FKBP5: variants seen among roughly 807,000 people sequenced by gnomAD.
FKBP5 encodes the protein peptidyl-prolyl cis-trans isomerase FKBP5.
In FKBP5, 23 loss-of-function variants were observed where a neutral mutation model predicts 50.5. That is an observed-to-expected ratio of 0.46 (90% CI 0.33 to 0.65). The LOEUF is 0.65. FKBP5 is among the 30% of genes least tolerant of loss of function. The pLI, the probability that FKBP5 is intolerant of heterozygous loss-of-function variation, is 0.02. For missense variants in FKBP5, 411 were observed against 553.1 expected (o/e 0.74, Z 2.58); for synonymous variants, 176 against 190.6 (o/e 0.92, Z 0.63).
At chr6:35,721,524 C>T (rs1303291695) in intron 1 of FKBP5, among the ~76,000 whole-genome samples, 6 of 151,820 alleles carry the variant, frequency 4.0e-5, no homozygotes, top group South Asian at 4.2e-4. Context: ...GGCATGCTTT[C>T]GGCTCACCAC....
At chr6:35,678,229 G>A (rs183311642) in intron 1 of FKBP5, among the ~76,000 whole-genome samples, 1 of 152,238 alleles carries the variant, frequency 6.6e-6, no homozygotes, top group East Asian at 1.9e-4. Context: ...GAAGAGAAGT[G>A]TTTTGGCTGG....
Position 35,585,973 on chromosome 6 carries a change from T to C in FKBP5, c.840+1061A>G, listed in dbSNP as rs1762586566. 4.1e-6 allele frequency: 4 copies of C among 984,782 alleles called. No individual in the cohort carries two copies. The South Asian group carries it at 1.4e-4, about 35-fold the overall frequency. 61.0% of individuals were successfully genotyped at this position (984,782 alleles called of 1,614,324 possible). A position where few individuals can be genotyped will look rare whatever the true frequency, so the allele number is the denominator to read the frequency against. On this transcript the variant is annotated intron_variant, in intron 8 of 10. Transcript: ENST00000357266. ...ACAAGGTTGTAACTTAATAATAGCATGTCTTATAGCAGATGCCCCATAAAG... is the reference window on the plus strand; with the variant it reads ...ACAAGGTTGTAACTTAATAATAGCACGTCTTATAGCAGATGCCCCATAAAG...
chr6:35,709,574 G>A (rs2151021323), intron 2 of FKBP5, among the ~76,000 whole-genome samples: 1 of 152,238 alleles, frequency 6.6e-6, no homozygotes, highest in East Asian at 1.9e-4. Flanking sequence ...AAAATGATTT[G>A]TATTTCTAAA....
intron 2 of FKBP5, among the ~76,000 whole-genome samples, chr6:35,694,020 A>AC (rs1238987062): frequency 6.6e-6 from 1 of 150,962 alleles, no homozygotes; most frequent in Non-Finnish European, 1.5e-5. Flanking sequence ...TAAAAAAAAA[A>AC]TAGTGACAGA....
At chr6:35,702,909 A>C (rs1456303001) in intron 2 of FKBP5, among the ~76,000 whole-genome samples, 1 of 152,214 alleles carries the variant, frequency 6.6e-6, no homozygotes, top group Non-Finnish European at 1.5e-5. Flanking sequence ...AACTAAAGGA[A>C]TAATACATTT....
At chr6:35,600,559 T>C (rs1437395514) in intron 5 of FKBP5, among the ~76,000 whole-genome samples, 1 of 152,060 alleles carries the variant, frequency 6.6e-6, no homozygotes, top group Admixed American at 6.6e-5. Flanking sequence ...AAAAAAAGAT[T>C]TGCTGAGCAA....
chr6:35,625,698 T>C (rs1219316840), intron 3 of FKBP5, among the ~76,000 whole-genome samples: 2 of 148,376 alleles, frequency 1.3e-5, no homozygotes, highest in Non-Finnish European at 3.0e-5. Context: ...ATTGCGCCAC[T>C]GCACTCCAGC....
At chr6:35,634,607 A>G (rs532016656) in intron 3 of FKBP5, among the ~76,000 whole-genome samples, 3 of 152,158 alleles carry the variant, frequency 2.0e-5, no homozygotes, top group Non-Finnish European at 4.4e-5. Flanking sequence ...TCTGCTTACT[A>G]TATTTCCTTT....
At chr6:35,716,658 T>G (rs1766517772) in intron 2 of FKBP5, among the ~76,000 whole-genome samples, 3 of 152,110 alleles carry the variant, frequency 2.0e-5, no homozygotes, top group African/African-American at 7.2e-5. Flanking sequence ...GCCGCTGAAT[T>G]GGATTTAATG....
intron 1 of FKBP5, chr6:35,651,678 G>A (rs1010221432): frequency 1.3e-5 from 2 of 156,686 alleles, no homozygotes; most frequent in Non-Finnish European, 2.8e-5. Context: ...GGAAAAATCC[G>A]AAATCCAAGA....
intron 5 of FKBP5, among the ~76,000 whole-genome samples, chr6:35,598,252 GCT>G (rs753917814): frequency 8.5e-5 from 13 of 152,232 alleles, no homozygotes; most frequent in Non-Finnish European, 1.6e-4. Flanking sequence ...ACGCAGTCTT[GCT>G]CTGTCTCACC....
chr6:35,647,779 T>C (rs1764670471), intron 1 of FKBP5, among the ~76,000 whole-genome samples: 1 of 152,210 alleles, frequency 6.6e-6, no homozygotes, highest in African/African-American at 2.4e-5. Flanking sequence ...ATAATCCTTA[T>C]TTTTGGAGTT....
intron 8 of FKBP5, chr6:35,582,131 C>T (rs538771123): frequency 3.6e-5 from 35 of 985,174 alleles, no homozygotes; most frequent in African/African-American, 5.3e-5. Flanking sequence ...CTACATCCCT[C>T]GAACATCCTT....
intron 5 of FKBP5, among the ~76,000 whole-genome samples, chr6:35,614,178 G>C (rs1763577057): frequency 6.6e-6 from 1 of 152,122 alleles, no homozygotes; most frequent in Non-Finnish European, 1.5e-5. Flanking sequence ...ACAGGTGTGA[G>C]CCACCACGAC....
intron 3 of FKBP5, among the ~76,000 whole-genome samples, chr6:35,632,912 A>G (rs1162707000): frequency 6.6e-6 from 1 of 151,974 alleles, no homozygotes; most frequent in Non-Finnish European, 1.5e-5. Context: ...AAAAAAAGAA[A>G]AGAGAAAAAG....
At chr6:35,593,616 A>T (rs2150962102) in intron 6 of FKBP5, among the ~76,000 whole-genome samples, 1 of 152,226 alleles carries the variant, frequency 6.6e-6, no homozygotes, top group Admixed American at 6.5e-5. Context: ...GTGCAGTGGC[A>T]TGATCTCAGC....
intron 1 of FKBP5, among the ~76,000 whole-genome samples, chr6:35,662,365 G>T (rs539162522): frequency 6.6e-6 from 1 of 150,590 alleles, no homozygotes; most frequent in South Asian, 2.1e-4. Flanking sequence ...GCCTCAACCT[G>T]CCAGGCTCAA....
intron 6 of FKBP5, among the ~76,000 whole-genome samples, chr6:35,591,952 T>C (rs1762834800): frequency 6.6e-6 from 1 of 152,222 alleles, no homozygotes; most frequent in Admixed American, 6.5e-5. Context: ...ACTGAGGACA[T>C]ATACATTTGT....
At chr6:35,692,932 T>C (rs942207866), upstream of FKBP5, among the ~76,000 whole-genome samples, 1 of 152,088 alleles carries the variant, frequency 6.6e-6, no homozygotes, top group African/African-American at 2.4e-5. Context: ...TCTGTCCTTT[T>C]TCTTCTTTCT....
Sources: allele counts gnomAD v4.1 joint callset (sites outside exome capture counted in the v4.1 genomes callset), GRCh38; gene constraint gnomAD v4.1.1; transcripts MANE v1.5; gene names NCBI Gene and HGNC (gene_info 2026-07-23, HGNC 2026-07-21).